Variants in SPATA31C2 observed in about 807,000 individuals in gnomAD.
SPATA31C2 encodes the protein spermatogenesis-associated protein 31C2.
Under a neutral mutation model 11.4 loss-of-function variants are expected in SPATA31C2, and 5 were observed. The observed-to-expected ratio is 0.44, with a 90% confidence interval of 0.23 to 0.92. The LOEUF (loss-of-function observed/expected upper bound fraction) is 0.92, where lower values mean the gene tolerates loss of function less well. Among genes scored for constraint, SPATA31C2 ranks in the 40% least tolerant of loss-of-function variants. The pLI, the probability that SPATA31C2 is intolerant of heterozygous loss-of-function variation, is 0.24. For synonymous variants in SPATA31C2, 515 were observed against 538.7 expected (o/e 0.96, Z 0.61); for missense variants, 1,353 against 1,368.6 (o/e 0.99, Z 0.18).
rs1283469537 is a variant in SPATA31C2 at position 88,131,177 on chromosome 9, T to A, written c.1860A>T (p.Ala620=). 1 of 1,611,654 alleles carries A rather than the reference T, an allele frequency of 6.2e-7. No individual in the cohort carries two copies. The highest frequency in any genetic ancestry group is 1.3e-5 in the African/African-American group (1 of 74,868). The part of the protein sequence containing the change: ...SNTHVKTSNL[A]APKSRKACVN... ...CACAGGCTTTCCTGCTTTTCGGGGCTGCTAGATTGCTGGTTTTCACGTGGG... is the reference window on the plus strand; with the variant it reads ...CACAGGCTTTCCTGCTTTTCGGGGCAGCTAGATTGCTGGTTTTCACGTGGG... Residue 620 remains alanine (A), a synonymous_variant, in exon 4 of 4, where the codon GCA becomes GCT. Transcript: ENST00000324915.
rs1286827662 is a variant in SPATA31C2, at chr9:88,131,414, C to T, written c.1623G>A (p.Gly541=). 6 of 1,611,828 alleles carry T rather than the reference C, an allele frequency of 3.7e-6. No individual in the cohort carries two copies. The South Asian group carries it at 6.6e-5, about 18-fold the overall frequency. ...GMESFPGKVL[G]ATSEESERNL... ...TCCTTTCCGACTCCTCAGAGGTCGC[C>T]CCCAGAACCTTCCCTGGGAAGCTTT... is the stretch of plus-strand genomic sequence containing the variant. Residue 541 remains glycine, a synonymous_variant, in exon 4 of 4, where the codon GGG becomes GGA. Coordinates refer to ENST00000324915, the MANE Select transcript of SPATA31C2 (RefSeq NM_001350978.3).
At chr9:88,137,482 C>T (rs1349875795) in intron 1 of SPATA31C2, among the ~76,000 whole-genome samples, 1 of 144,408 alleles carries the variant, frequency 6.9e-6, no homozygotes, top group South Asian at 2.3e-4. Flanking sequence ...ATTAGCCAGG[C>T]GTGGTGGCGG....
chr9:88,132,132 G>C lies in SPATA31C2; in HGVS notation c.905C>G (p.Ser302Ter). 1 of 1,610,650 alleles carries C rather than the reference G, an allele frequency of 6.2e-7. No individual in the cohort carries two copies. Among genetic ancestry groups the C allele is most frequent in the Non-Finnish European group, 8.5e-7 (1 of 1,177,588 alleles). ...GCGGGAAAGATGATCTTGCTGGACT[G>C]ACGAGTTGAAGACGCACCAGGTTTT... ...TTKTWCVFNS[S>*]VQQDHLSRQR... Residue 302 changes from serine to a stop codon, truncating the protein, a stop_gained, in exon 4 of 4, where the codon TCA becomes TGA. Transcript: ENST00000324915. LOFTEE classifies it low-confidence loss of function (END_TRUNC).
rs779278537 is a variant in SPATA31C2 at position 88,130,315 on chromosome 9, G to C, written c.2722C>G (p.Pro908Ala). The C allele has an allele frequency of 1.9e-6, 3 of 1,608,882 alleles. No homozygotes were observed. ...QVPQGHLQSM[P>A]TGNMQASQEL... ...TGGGAAGCCTGCATGTTCCCAGTAG[G>C]CATGCTCTGGAGATGGCCCTGGGGC... Residue 908 changes from proline (P) to alanine (A), a missense_variant, in exon 4 of 4, where the codon CCT becomes GCT. Physicochemically the swap from Pro to Ala is conservative, Grantham distance 27. Around this residue, in one of 6 missense-constraint regions of SPATA31C2, gnomAD observed 1,075 missense variants for 992.8 expected, o/e 1.08. Coordinates refer to ENST00000324915, the MANE Select transcript of SPATA31C2 (RefSeq NM_001350978.3).
rs777821335 is a variant in SPATA31C2 at position 88,131,181 on chromosome 9, A to T, written c.1856T>A (p.Leu619Gln). 6.2e-7 allele frequency: 1 copy of T among 1,611,714 alleles called. No individual in the cohort carries two copies. Among genetic ancestry groups the T allele is most frequent in the South Asian group, 1.1e-5 (1 of 90,976 alleles). Reference protein sequence around the residue: ...VSNTHVKTSNLAAPKSRKACV... With the variant: ...VSNTHVKTSNQAAPKSRKACV... ...GGCTTTCCTGCTTTTCGGGGCTGCT[A>T]GATTGCTGGTTTTCACGTGGGTGTT... is the stretch of plus-strand genomic sequence containing the variant. Residue 619 changes from leucine (L) to glutamine (Q), a missense_variant, in exon 4 of 4, where the codon CTA (leucine) becomes CAA (glutamine). By Grantham distance (113) the Leu-to-Gln change is moderately radical (BLOSUM62 -2). Around this residue, in one of 6 missense-constraint regions of SPATA31C2, gnomAD observed 1,075 missense variants for 992.8 expected, o/e 1.08. Coordinates refer to ENST00000324915, the MANE Select transcript of SPATA31C2 (RefSeq NM_001350978.3).
At chr9:88,133,884 C>A (rs1474536809) in intron 1 of SPATA31C2, among the ~76,000 whole-genome samples, 1 of 152,122 alleles carries the variant, frequency 6.6e-6, no homozygotes, top group Non-Finnish European at 1.5e-5. Context: ...GCTCACGGTG[C>A]GGTGGCTCAC....
chr9:88,130,428 TG>T lies in SPATA31C2; in HGVS notation c.2608del (p.Gln870SerfsTer95). 1.2e-6 allele frequency: 2 copies of T among 1,612,944 alleles called. No individual in the cohort carries two copies. Among genetic ancestry groups the T allele is most frequent in the Non-Finnish European group, 1.7e-6 (2 of 1,179,512 alleles). ...CACAACAGTGGCAGAAACTTGAGGC[TG>T]GGTCTCTGACTTCGTGGCCTTTCCA... ...EPGKATKSET[Q>X]PQVSATVVLL... On this transcript the variant is annotated frameshift_variant, in exon 4 of 4. Transcript: ENST00000324915. LOFTEE classifies it low-confidence loss of function (END_TRUNC).
In SPATA31C2 at chr9:88,131,667, A is replaced by T. The variant is rs192359653; in HGVS notation, c.1370T>A (p.Met457Lys). ...CTCTTGGATCCTTCCACGTTGCCCC[A>T]TGTGTTGCTCCAGTTGTCTCCAGAG... The part of the protein sequence containing the change: ...PELWRQLEQH[M>K]GQRGRIQESL... Residue 457 changes from methionine (M) to lysine (K), a missense_variant, in exon 4 of 4, where the codon ATG becomes AAG. Around this residue, in one of 6 missense-constraint regions of SPATA31C2, gnomAD observed 1,075 missense variants for 992.8 expected, o/e 1.08. Coordinates refer to ENST00000324915, the MANE Select transcript of SPATA31C2 (RefSeq NM_001350978.3). 6.8e-6 allele frequency: 11 copies of T among 1,611,984 alleles called. No homozygotes were observed. Among genetic ancestry groups the T allele is most frequent in the Non-Finnish European group, 9.3e-6 (11 of 1,179,860 alleles).
Position 88,133,657 on chromosome 9 carries a change from A to AGACAAGATGACGCTGGGC in SPATA31C2, c.201_202insGCCCAGCGTCATCTTGTC (p.Val67_Ser68insAlaGlnArgHisLeuVal). ...CCCCTCCGCCCTGCTGGACGCTGGG[A>AGACAAGATGACGCTGGGC]GACAAGATGACGCTGGGAGACAAGA... On this transcript the variant is annotated inframe_insertion, in exon 2 of 4. Coordinates refer to ENST00000324915, the MANE Select transcript of SPATA31C2 (RefSeq NM_001350978.3). 6.3e-7 allele frequency: 1 copy of AGACAAGATGACGCTGGGC among 1,596,228 alleles called. No homozygotes were observed. The highest frequency in any genetic ancestry group is 1.7e-5 in the Admixed American group (1 of 59,548).
At position 88,130,840 on chromosome 9, in the gene SPATA31C2, C is replaced by G; in HGVS notation, c.2197G>C (p.Ala733Pro). 1 of 1,613,362 alleles carries G rather than the reference C, an allele frequency of 6.2e-7. No homozygotes were observed. Among genetic ancestry groups the G allele is most frequent in the South Asian group, 1.1e-5 (1 of 91,042 alleles). ...PSVHMPERLQ[A>P]SSPACKQFQR... Reference sequence around the variant, plus strand: ...AACTGCTTACATGCAGGTGAGGAGGCCTGAAGCCTCTCTGGCATGTGAACA... The same window carrying G: ...AACTGCTTACATGCAGGTGAGGAGGGCTGAAGCCTCTCTGGCATGTGAACA... The change falls in exon 4 of 4, where the codon GCC (alanine) becomes CCC (proline). Residue 733 changes from alanine (A) to proline (P), a missense_variant. This residue lies in a region of SPATA31C2 where 1,075 missense variants were observed against 992.8 expected (regional missense o/e 1.08). Coordinates refer to ENST00000324915, the MANE Select transcript of SPATA31C2 (RefSeq NM_001350978.3).
chr9:88,132,252 G>A lies in SPATA31C2; in HGVS notation c.785C>T (p.Pro262Leu). The A allele has an allele frequency of 6.2e-7, 1 of 1,610,800 alleles. No homozygotes were observed. Among genetic ancestry groups the A allele is most frequent in the African/African-American group, 1.3e-5 (1 of 74,950 alleles). The change falls in exon 4 of 4, where the codon CCA becomes CTA. Residue 262 changes from proline (P) to leucine (L), a missense_variant. By Grantham distance (98) the Pro-to-Leu change is moderately conservative. This residue lies in a region of SPATA31C2 where 1,075 missense variants were observed against 992.8 expected (regional missense o/e 1.08). Transcript: ENST00000324915. The stretch of plus-strand genomic sequence containing the variant: ...GACAGAAGCCGCCAAATCCTCACGT[G>A]GAGACAAGCTTTGAGGGACGGTGTC... ...PLDTVPQSLS[P>L]REDLAASVPG...
Position 88,132,098 on chromosome 9 carries a change from G to A in SPATA31C2, c.939C>T (p.Asp313=). ...VQQDHLSRQR[D]TTMSPLLFQA... is the part of the protein sequence containing the mutation. ...GGAAAAGCAGTGGGGACATTGTAGT[G>A]TCCCTTTGGCGGGAAAGATGATCTT... The change falls in exon 4 of 4, where the codon GAC becomes GAT. Residue 313 remains aspartate (D), a synonymous_variant. Transcript: ENST00000324915. The A allele has an allele frequency of 6.2e-7, 1 of 1,610,718 alleles. No individual in the cohort carries two copies. Among genetic ancestry groups the A allele is most frequent in the Non-Finnish European group, 8.5e-7 (1 of 1,177,620 alleles).
rs1825701311 is a variant in SPATA31C2, at chr9:88,137,915, G to T, written c.189+343C>A. Among the ~76,000 whole-genome samples, 2 of 103,386 alleles carry T rather than the reference G, an allele frequency of 1.9e-5. 1 individual carries two copies. The highest frequency in any genetic ancestry group is 6.4e-4 in the South Asian group (2 of 3,140). The allele number at this position is 103,386 out of a possible 152,430, so 67.8% of individuals were successfully genotyped here. A position where few individuals can be genotyped will look rare whatever the true frequency, so the allele number is the denominator to read the frequency against. ...AGCCAGGGCTCAGGGCCTGGCCTCG[G>T]ACAGAGACCTCCCATCTCATGACCA... On this transcript the variant is annotated intron_variant, in intron 1 of 3. Transcript: ENST00000324915.
At position 88,131,421 on chromosome 9, in the gene SPATA31C2, A is replaced by G; in HGVS notation, c.1616T>C (p.Val539Ala). The change falls in exon 4 of 4, where the codon GTT becomes GCT. Residue 539 changes from valine (V) to alanine (A), a missense_variant. Val to Ala is a moderately conservative substitution (Grantham distance 64, BLOSUM62 0). This residue lies in a region of SPATA31C2 where 1,075 missense variants were observed against 992.8 expected (regional missense o/e 1.08). Coordinates refer to ENST00000324915, the MANE Select transcript of SPATA31C2 (RefSeq NM_001350978.3). ...SRGMESFPGKVLGATSEESER... is the reference protein window; with the variant it reads ...SRGMESFPGKALGATSEESER... ...CGACTCCTCAGAGGTCGCCCCCAGAACCTTCCCTGGGAAGCTTTCCATGCC... is the reference window on the plus strand; with the variant it reads ...CGACTCCTCAGAGGTCGCCCCCAGAGCCTTCCCTGGGAAGCTTTCCATGCC... The G allele has an allele frequency of 1.2e-6, 2 of 1,611,724 alleles. No individual in the cohort carries two copies. The highest frequency in any genetic ancestry group is 1.7e-6 in the Non-Finnish European group (2 of 1,179,810).
At chr9:88,137,134 C>G (rs1258421823) in intron 1 of SPATA31C2, among the ~76,000 whole-genome samples, 5 of 141,062 alleles carry the variant, frequency 3.5e-5, no homozygotes, top group Admixed American at 7.9e-5. Context: ...CTACAGAAAT[C>G]AAGACAGTGT....
chr9:88,135,365 C>G lies in SPATA31C2; in HGVS notation c.190-1696G>C, dbSNP rs1259203717. ...GGATTTTTATTTTCAGAATCTCGTTCGTCCTCAACTCCGGCTTTCCCACAC... is the reference window on the plus strand; with the variant it reads ...GGATTTTTATTTTCAGAATCTCGTTGGTCCTCAACTCCGGCTTTCCCACAC... On this transcript the variant is annotated intron_variant, in intron 1 of 3. Transcript: ENST00000324915. 2.2e-5 allele frequency among the ~76,000 whole-genome samples: 2 copies of G among 92,988 alleles called. 1 individual carries two copies. The highest frequency in any genetic ancestry group is 3.6e-5 in the Non-Finnish European group (2 of 56,148). 61.0% of individuals were successfully genotyped at this position (92,988 alleles called of 152,430 possible). A position where few individuals can be genotyped will look rare whatever the true frequency, so the allele number is the denominator to read the frequency against.
At position 88,131,351 on chromosome 9, in the gene SPATA31C2, A is replaced by G. The variant is rs766097379; in HGVS notation, c.1686T>C (p.Asp562=). 7 of 1,611,890 alleles carry G rather than the reference A, an allele frequency of 4.3e-6. No homozygotes were observed. The South Asian group carries it at 7.7e-5, about 18-fold the overall frequency. Residue 562 remains aspartate, a synonymous_variant, in exon 4 of 4, where the codon GAT becomes GAC. Transcript: ENST00000324915. ...RKPLRSDSGS[D]LLRRTERNHI... is the part of the protein sequence containing the mutation. ...GATTCCTCTCTGTGCGTCTTAATAA[A>G]TCACTTCCTGAGTCACTCCTCAAGG...
Position 88,129,666 on chromosome 9 carries a change from C to G in SPATA31C2, c.3371G>C (p.Arg1124Pro). 1.2e-6 allele frequency: 2 copies of G among 1,603,546 alleles called. No individual in the cohort carries two copies. The highest frequency in any genetic ancestry group is 1.7e-6 in the Non-Finnish European group (2 of 1,173,222). ...SQQATLKNQS[R>P]PNRDRQIRDQ Reference sequence around the variant, plus strand: ...TCTGATTTGTCTGTCTCTGTTGGGACGACTCTGGTTCTTGAGAGTGGCTTG... The same window carrying G: ...TCTGATTTGTCTGTCTCTGTTGGGAGGACTCTGGTTCTTGAGAGTGGCTTG... The change falls in exon 4 of 4, where the codon CGT becomes CCT. Residue 1124 changes from arginine (R) to proline (P), a missense_variant. Coordinates refer to ENST00000324915, the MANE Select transcript of SPATA31C2 (RefSeq NM_001350978.3).
Position 88,131,536 on chromosome 9 carries a change from C to T in SPATA31C2, c.1501G>A (p.Glu501Lys), listed in dbSNP as rs1324523068. ...SSTSTGESSKEAQTVKFQLER... is the reference protein window; with the variant it reads ...SSTSTGESSKKAQTVKFQLER... Reference sequence around the variant, plus strand: ...AGCTGGAACTTCACCGTCTGTGCCTCCTTGCTGCTTTCACCTGTGGACGTG... The same window carrying T: ...AGCTGGAACTTCACCGTCTGTGCCTTCTTGCTGCTTTCACCTGTGGACGTG... The change falls in exon 4 of 4, where the codon GAG (glutamate) becomes AAG (lysine). Residue 501 changes from glutamate to lysine, a missense_variant. By Grantham distance (56) the Glu-to-Lys change is moderately conservative. Transcript: ENST00000324915. 6.2e-7 allele frequency: 1 copy of T among 1,611,604 alleles called. No homozygotes were observed. The highest frequency in any genetic ancestry group is 8.5e-7 in the Non-Finnish European group (1 of 1,179,714).
Sources: gnomAD v4.1 joint callset for allele counts (sites outside exome capture counted in the v4.1 genomes callset) on GRCh38, gnomAD v4.1.1 for gene constraint, gnomAD v4.1.1 regional missense constraint, MANE v1.5 for transcripts, NCBI Gene and HGNC (gene_info 2026-07-23, HGNC 2026-07-21) for gene names.